The following ADAMTSL3 variants were observed in gnomAD, a reference collection of about 807,000 sequenced individuals.
ADAMTSL3 encodes ADAMTS-like protein 3.
A neutral mutation model predicts 201.7 loss-of-function variants in ADAMTSL3; 128 were observed. The observed-to-expected ratio is 0.63, with a 90% CI of 0.55 to 0.73. ADAMTSL3 has a LOEUF of 0.73. ADAMTSL3 is among the 30% of genes least tolerant of loss of function. ADAMTSL3 has a pLI of 0.00. For missense variants in ADAMTSL3, 1,990 were observed against 2,119.6 expected (o/e 0.94, Z 1.20); for synonymous variants, 738 against 748.4 (o/e 0.99, Z 0.23).
chr15:83,738,033 AC>A (rs1432391223), intron 3 of ADAMTSL3, among the ~76,000 whole-genome samples: 1 of 152,208 alleles, frequency 6.6e-6, no homozygotes, highest in Non-Finnish European at 1.5e-5. Flanking sequence ...TTCAAGTACT[AC>A]AAGATGATTA....
chr15:83,924,148 C>T (rs1225439931), intron 17 of ADAMTSL3, 115 bp downstream of exon 17: 2 of 1,346,672 alleles, frequency 1.5e-6, no homozygotes, highest in Non-Finnish European at 1.0e-6. Flanking sequence ...ATGTGCTAAG[C>T]CTGCTTCAGA....
chr15:83,928,174 A>G (rs1004270099), intron 17 of ADAMTSL3, among the ~76,000 whole-genome samples: 1 of 152,074 alleles, frequency 6.6e-6, no homozygotes, highest in African/African-American at 2.4e-5. Context: ...TTTAGAGATT[A>G]GGTTTTTCTC....
intron 28 of ADAMTSL3, among the ~76,000 whole-genome samples, chr15:84,034,626 AG>A (rs2141945917): frequency 6.6e-6 from 1 of 152,322 alleles, no homozygotes; most frequent in African/African-American, 2.4e-5. Flanking sequence ...TGTAAAATAA[AG>A]ATGCTTGGGC....
chr15:83,880,719 G>A (rs145365280), intron 9 of ADAMTSL3, among the ~76,000 whole-genome samples: 178 of 152,222 alleles, frequency 1.2e-3, no homozygotes, highest in African/African-American at 3.7e-3. Flanking sequence ...AACAGAGCCC[G>A]AGGCAAAGTG....
intron 2 of ADAMTSL3, among the ~76,000 whole-genome samples, chr15:83,660,279 C>T (rs1226536876): frequency 6.6e-6 from 1 of 152,200 alleles, no homozygotes; most frequent in Non-Finnish European, 1.5e-5. Context: ...AGCAATTTCA[C>T]CATCCAAGTT....
chr15:83,664,714 T>C (rs977118067), intron 2 of ADAMTSL3, among the ~76,000 whole-genome samples: 7 of 152,244 alleles, frequency 4.6e-5, no homozygotes, highest in African/African-American at 1.7e-4. Context: ...GCACAGTGGC[T>C]CATGCCTGTG....
rs188894432 is a variant in ADAMTSL3, at chr15:83,748,611, A to G, written c.190-24912A>G. 3.9e-3 allele frequency among the ~76,000 whole-genome samples: 564 copies of G among 145,908 alleles called. 2 individuals are homozygous for G. The highest frequency in any genetic ancestry group is 0.014 in the African/African-American group (535 of 38,794). ...GCTGCAATGAACTGAGATTGTGCCA[A>G]TGCACAACAGCCTGGGTGACAGAGC... is the stretch of plus-strand genomic sequence containing the variant. On this transcript the variant is annotated intron_variant, in intron 3 of 29. Transcript: ENST00000286744.
chr15:83,777,311 T>C (rs948427546), intron 4 of ADAMTSL3, among the ~76,000 whole-genome samples: 5 of 152,226 alleles, frequency 3.3e-5, no homozygotes, highest in African/African-American at 1.2e-4. Flanking sequence ...CAAATGAGTA[T>C]GGATCCCACT....
chr15:83,898,374 G>A (rs2065658979), intron 14 of ADAMTSL3, among the ~76,000 whole-genome samples: 1 of 152,094 alleles, frequency 6.6e-6, no homozygotes, highest in African/African-American at 2.4e-5. Context: ...AGAAAGAAGA[G>A]CAAGAAACAG....
intron 15 of ADAMTSL3, among the ~76,000 whole-genome samples, chr15:83,901,313 A>C (rs1243717524): frequency 6.6e-6 from 1 of 152,084 alleles, no homozygotes; most frequent in Admixed American, 6.5e-5. Context: ...GAGAGGGAGG[A>C]GTAAGACCCA....
chr15:83,858,706 T>G, intron 7 of ADAMTSL3, 60 bp from the exon 8 acceptor site: 2 of 1,344,810 alleles, frequency 1.5e-6, no homozygotes, highest in Non-Finnish European at 2.1e-6. Context: ...ATTGACTTGC[T>G]CATTTTCATG....
In ADAMTSL3 at chr15:83,903,917, CAAAAAAAAAAAAAAAAA is replaced by C. The variant is rs1168502648; in HGVS notation, c.1700+4197_1700+4213del. 2.0e-3 allele frequency among the ~76,000 whole-genome samples: 39 copies of C among 19,272 alleles called. 7 individuals carry two copies. The highest frequency in any genetic ancestry group is 0.011 in the South Asian group (4 of 358). The allele number at this position is 19,272 out of a possible 152,430, so 12.6% of individuals were successfully genotyped here. A position where few individuals can be genotyped will look rare whatever the true frequency, so the allele number is the denominator to read the frequency against. On this transcript the variant is annotated intron_variant, in intron 15 of 29. Transcript: ENST00000286744. ...TGGGTGACAGTGCCAGACTCCACAT[CAAAAAAAAAAAAAAAAA>C]AAAAAAAAAAGAAAAAAGAAAGAAA... is the stretch of plus-strand genomic sequence containing the variant.
At chr15:83,704,551 G>A in intron 3 of ADAMTSL3, 43 bp downstream of exon 3, 2 of 1,569,172 alleles carry the variant, frequency 1.3e-6, no homozygotes, top group Non-Finnish European at 8.6e-7. Context: ...TTTGCTGTTT[G>A]CCAGTGGTCA....
At chr15:84,019,295 C>G (rs1198749815) in intron 25 of ADAMTSL3, among the ~76,000 whole-genome samples, 1 of 152,184 alleles carries the variant, frequency 6.6e-6, no homozygotes, top group East Asian at 1.9e-4. Context: ...TCATGCATTG[C>G]TTAGTGTGTA....
chr15:83,912,123 T>C (rs2065945628), intron 15 of ADAMTSL3, among the ~76,000 whole-genome samples: 5 of 152,220 alleles, frequency 3.3e-5, no homozygotes, highest in Admixed American at 1.3e-4. Context: ...GTATCTTAAA[T>C]ATATCTGTCC....
chr15:83,921,461 C>T lies in ADAMTSL3; in HGVS notation c.1988-2443C>T, dbSNP rs142876398. 2.8e-3 allele frequency among the ~76,000 whole-genome samples: 429 copies of T among 152,192 alleles called. 1 individual carries two copies. The highest frequency in any genetic ancestry group is 4.8e-3 in the Admixed American group (74 of 15,290). On this transcript the variant is annotated intron_variant, in intron 16 of 29. Coordinates refer to ENST00000286744, the MANE Select transcript of ADAMTSL3 (RefSeq NM_207517.3). Reference sequence around the variant, plus strand: ...TAAATACTGATTGGCACATAAAAGGCTCTGACTATGGATTTTAAAAAATCT... The same window carrying T: ...TAAATACTGATTGGCACATAAAAGGTTCTGACTATGGATTTTAAAAAATCT...
chr15:83,997,333 A>G (rs976733772), intron 23 of ADAMTSL3, among the ~76,000 whole-genome samples: 4 of 152,174 alleles, frequency 2.6e-5, no homozygotes, highest in Admixed American at 1.3e-4. Flanking sequence ...CACACCTGTA[A>G]TCCCAGCACT....
chr15:83,849,738 C>T (rs779412077), intron 7 of ADAMTSL3, among the ~76,000 whole-genome samples: 8 of 152,028 alleles, frequency 5.3e-5, no homozygotes, highest in Admixed American at 1.3e-4. Flanking sequence ...ATAAAGAAAG[C>T]GTGGGTAATA....
intron 21 of ADAMTSL3, among the ~76,000 whole-genome samples, chr15:83,986,310 C>G (rs551251878): frequency 1.8e-4 from 28 of 152,058 alleles, no homozygotes; most frequent in African/African-American, 6.8e-4. Flanking sequence ...TATAGAGGAG[C>G]CTGGTCAGTT....
Sources: allele counts gnomAD v4.1 joint callset (sites outside exome capture counted in the v4.1 genomes callset), GRCh38; gene constraint gnomAD v4.1.1; transcripts MANE v1.5; gene names NCBI Gene and HGNC (gene_info 2026-07-23, HGNC 2026-07-21).